ZNRF1: variants seen among roughly 807,000 people sequenced by gnomAD.
ZNRF1 encodes zinc and ring finger 1.
A neutral mutation model predicts 18.4 loss-of-function variants in ZNRF1; 3 were observed. The observed-to-expected ratio is 0.16, with a 90% CI of 0.07 to 0.42. The LOEUF (loss-of-function observed/expected upper bound fraction) is 0.42, where lower values mean the gene tolerates loss of function less well. Ranked by LOEUF, ZNRF1 falls within the 10% of genes least tolerant of loss-of-function variation. The pLI is 0.99. For synonymous variants in ZNRF1, 157 were observed against 144.2 expected (o/e 1.09, Z -0.64); for missense variants, 310 against 329.8 (o/e 0.94, Z 0.47).
intron 1 of ZNRF1, among the ~76,000 whole-genome samples, chr16:75,043,468 G>A (rs1457391139): frequency 6.6e-6 from 1 of 152,126 alleles, no homozygotes; most frequent in African/African-American, 2.4e-5. Context: ...TTCCAAAACT[G>A]TACAGTTCTT....
intron 1 of ZNRF1, among the ~76,000 whole-genome samples, chr16:75,066,077 G>C (rs1007682260): frequency 6.6e-6 from 1 of 152,184 alleles, no homozygotes; most frequent in Non-Finnish European, 1.5e-5. Context: ...CTCCAAACTC[G>C]TTTCCCATTC....
chr16:75,028,826 C>A (rs2035259365), intron 1 of ZNRF1, among the ~76,000 whole-genome samples: 1 of 152,204 alleles, frequency 6.6e-6, no homozygotes, highest in Non-Finnish European at 1.5e-5. Flanking sequence ...TGGTCATTTC[C>A]TTCCCCTTGA....
At chr16:75,054,572 G>C (rs1459388836) in intron 1 of ZNRF1, among the ~76,000 whole-genome samples, 1 of 152,208 alleles carries the variant, frequency 6.6e-6, no homozygotes, top group African/African-American at 2.4e-5. Flanking sequence ...TCCTCATGCT[G>C]GTCTGTGTCA....
chr16:75,085,741 A>T (rs1356394675), intron 1 of ZNRF1, among the ~76,000 whole-genome samples: 1 of 151,554 alleles, frequency 6.6e-6, no homozygotes, highest in Non-Finnish European at 1.5e-5. Flanking sequence ...TGGTATTTTA[A>T]TAGACAGATT....
chr16:75,098,730 C>G (rs546299011), intron 2 of ZNRF1, among the ~76,000 whole-genome samples: 1 of 152,222 alleles, frequency 6.6e-6, no homozygotes, highest in Non-Finnish European at 1.5e-5. Flanking sequence ...CACCTTCCTT[C>G]TCTCTGGGCC....
At chr16:75,008,609 C>G (rs2034954892) in intron 1 of ZNRF1, among the ~76,000 whole-genome samples, 1 of 152,106 alleles carries the variant, frequency 6.6e-6, no homozygotes, top group Non-Finnish European at 1.5e-5. Flanking sequence ...GTGTGATGAT[C>G]TGTTGAACAA....
intron 1 of ZNRF1, among the ~76,000 whole-genome samples, chr16:75,079,496 A>G (rs1462115062): frequency 1.3e-5 from 2 of 150,254 alleles, no homozygotes; most frequent in Non-Finnish European, 3.0e-5. Context: ...AAAACAAGAA[A>G]CCTCCTTTTG....
chr16:75,102,640 G>A (rs1329814584), intron 2 of ZNRF1, among the ~76,000 whole-genome samples: 2 of 152,140 alleles, frequency 1.3e-5, no homozygotes, highest in African/African-American at 2.4e-5. Flanking sequence ...GCCTTCTTTG[G>A]ATTTTGGTCT....
chr16:75,030,709 G>A (rs748032443), intron 1 of ZNRF1, among the ~76,000 whole-genome samples: 15 of 151,802 alleles, frequency 9.9e-5, no homozygotes, highest in Non-Finnish European at 1.9e-4. Flanking sequence ...ATGTAAACTT[G>A]CCTATTCTGG....
chr16:75,101,940 CTG>C (rs1198025827), intron 2 of ZNRF1, among the ~76,000 whole-genome samples: 1 of 152,216 alleles, frequency 6.6e-6, no homozygotes, highest in Non-Finnish European at 1.5e-5. Flanking sequence ...CAGCAGCAGA[CTG>C]TGCCATCTCC....
At chr16:75,023,523 A>C (rs1365407748) in intron 1 of ZNRF1, among the ~76,000 whole-genome samples, 1 of 152,120 alleles carries the variant, frequency 6.6e-6, no homozygotes, top group African/African-American at 2.4e-5. Flanking sequence ...GTCTCTACTA[A>C]AAATACAAAA....
intron 1 of ZNRF1, among the ~76,000 whole-genome samples, chr16:75,018,672 T>TTG (rs1268342998): frequency 1.3e-5 from 2 of 152,228 alleles, no homozygotes; most frequent in African/African-American, 4.8e-5. Context: ...CTCCTTTCAG[T>TTG]TGTAAATGAT....
chr16:75,101,630 C>T (rs73615826), intron 2 of ZNRF1, among the ~76,000 whole-genome samples: 1 of 152,162 alleles, frequency 6.6e-6, no homozygotes, highest in Non-Finnish European at 1.5e-5. Context: ...TATCCATCCA[C>T]CAACCCATCT....
At chr16:75,017,326 C>G (rs16952994) in intron 1 of ZNRF1, among the ~76,000 whole-genome samples, 8,243 of 152,130 alleles carry the variant, frequency 0.054, 715 homozygotes, top group African/African-American at 0.18. Context: ...ATCCATGAAT[C>G]TGATAGAATT....
chr16:75,105,112 G>A, intron 3 of ZNRF1: 1 of 467,172 alleles, frequency 2.1e-6, no homozygotes, highest in Non-Finnish European at 3.9e-6. Flanking sequence ...GGTGTGCTCT[G>A]GTTTGAGGGC....
Position 75,025,552 on chromosome 16 carries a change from T to C in ZNRF1, c.424+25457T>C, listed in dbSNP as rs374457085. ...GCCACAATTTCTCTATGAGTTGTTA[T>C]AAGACTACCACAGGAAAGATCGTAT... On this transcript the variant is annotated intron_variant, in intron 1 of 4. Transcript: ENST00000335325. Among the ~76,000 whole-genome samples, 10 of 152,282 alleles carry C rather than the reference T, an allele frequency of 6.6e-5. No homozygotes were observed. The South Asian group carries it at 1.2e-3, about 19-fold the overall frequency.
rs193240291 is a variant in ZNRF1, at chr16:75,079,433, T to A, written c.425-14139T>A. On this transcript the variant is annotated intron_variant, in intron 1 of 4. Transcript: ENST00000335325. ...AAGCAGAGGTTGCGGGGAGCCGAGA[T>A]CATGTCACTGCACTCCAGCCTGGCA... Among the ~76,000 whole-genome samples, 267 of 152,232 alleles carry A rather than the reference T, an allele frequency of 1.8e-3. 3 individuals are homozygous for A. Among genetic ancestry groups the A allele is most frequent in the Admixed American group, 0.016 (240 of 15,296 alleles).
intron 1 of ZNRF1, among the ~76,000 whole-genome samples, chr16:75,066,825 A>G (rs1469546292): frequency 1.3e-5 from 2 of 152,132 alleles, no homozygotes; most frequent in Non-Finnish European, 2.9e-5. Flanking sequence ...TTATAAAATG[A>G]TAATCTTCCT....
chr16:75,053,030 A>T (rs1050414287), intron 1 of ZNRF1, among the ~76,000 whole-genome samples: 7 of 152,088 alleles, frequency 4.6e-5, no homozygotes, highest in African/African-American at 1.4e-4. Context: ...TCTGGATTGG[A>T]AGTGAGGGAG....
Sources: gnomAD v4.1 joint callset for allele counts (sites outside exome capture counted in the v4.1 genomes callset) on GRCh38, gnomAD v4.1.1 for gene constraint, MANE v1.5 for transcripts, NCBI Gene and HGNC (gene_info 2026-07-23, HGNC 2026-07-21) for gene names.